ANKRD33B: variants seen among roughly 807,000 people sequenced by gnomAD.
ANKRD33B encodes ankyrin repeat domain 33B, also known as ankyrin repeat domain-containing protein 33B.
Under a neutral mutation model 21.5 loss-of-function variants are expected in ANKRD33B, and 6 were observed. The ratio of observed to expected loss-of-function variants is 0.28; its 90% CI spans 0.15 to 0.55. The LOEUF is 0.55. Ranked by LOEUF, ANKRD33B falls within the 20% of genes least tolerant of loss-of-function variation. The pLI is 0.94. For synonymous variants in ANKRD33B, 347 were observed against 342.4 expected (o/e 1.01, Z -0.15); for missense variants, 698 against 747.2 (o/e 0.93, Z 0.77).
At chr5:10,607,059 C>T (rs1736061152) in intron 1 of ANKRD33B, among the ~76,000 whole-genome samples, 1 of 151,970 alleles carries the variant, frequency 6.6e-6, no homozygotes, top group African/African-American at 2.4e-5. Flanking sequence ...TGTGCCCAAT[C>T]AAGTATCAAA....
intron 1 of ANKRD33B, among the ~76,000 whole-genome samples, chr5:10,606,530 T>C (rs1242974871): frequency 1.3e-5 from 2 of 151,994 alleles, no homozygotes; most frequent in African/African-American, 4.8e-5. Flanking sequence ...GGTCAAGAGA[T>C]CGAGACCATC....
chr5:10,577,514 C>T (rs575911254), intron 1 of ANKRD33B, among the ~76,000 whole-genome samples: 5 of 152,184 alleles, frequency 3.3e-5, no homozygotes, highest in Non-Finnish European at 5.9e-5. Context: ...TGTCCGGTGT[C>T]GGGCTATGCA....
At chr5:10,613,780 GT>G (rs1736224199) in intron 1 of ANKRD33B, among the ~76,000 whole-genome samples, 1 of 151,774 alleles carries the variant, frequency 6.6e-6, no homozygotes, top group Non-Finnish European at 1.5e-5. Context: ...TGCGCCTGTA[GT>G]CCCAGCTACT....
chr5:10,628,998 G>GT (rs1344821273), intron 2 of ANKRD33B, among the ~76,000 whole-genome samples: 3 of 152,268 alleles, frequency 2.0e-5, no homozygotes, highest in African/African-American at 7.2e-5. Context: ...AATGCTGGCT[G>GT]TTTGACCATA....
intron 1 of ANKRD33B, among the ~76,000 whole-genome samples, chr5:10,571,626 T>A (rs1735196413): frequency 6.6e-6 from 1 of 152,174 alleles, no homozygotes; most frequent in Admixed American, 6.5e-5. Context: ...GAAATATCCA[T>A]CACCTCAAGG....
chr5:10,606,739 T>A (rs1174702586), intron 1 of ANKRD33B, among the ~76,000 whole-genome samples: 1 of 151,052 alleles, frequency 6.6e-6, no homozygotes, highest in Non-Finnish European at 1.5e-5. Flanking sequence ...TCTTTTTTTT[T>A]TTTTTTTGAG....
rs1454218382 is a variant in ANKRD33B, at chr5:10,640,011, GA to G, written c.637+1844del. ...CGCGGCGATGTTAGCGGGTGACGTGGAGTTGCGCGGCGATGTTAGCGGGTGA... is the reference window on the plus strand; with the variant it reads ...CGCGGCGATGTTAGCGGGTGACGTGGGTTGCGCGGCGATGTTAGCGGGTGA... On this transcript the variant is annotated intron_variant, in intron 3 of 3. Coordinates refer to ENST00000296657, the MANE Select transcript of ANKRD33B (RefSeq NM_001164440.2). Among the ~76,000 whole-genome samples, 109 of 90,654 alleles carry G rather than the reference GA, an allele frequency of 1.2e-3. 3 individuals carry two copies. Among genetic ancestry groups the G allele is most frequent in the Middle Eastern group, 8.8e-3 (1 of 114 alleles). The allele number at this position is 90,654 out of a possible 152,430, so 59.5% of individuals were successfully genotyped here.
Position 10,650,166 on chromosome 5 carries a change from G to T in ANKRD33B, c.*53G>T. 1 of 1,409,444 alleles carries T rather than the reference G, an allele frequency of 7.1e-7. No individual in the cohort carries two copies. Among genetic ancestry groups the T allele is most frequent in the African/African-American group, 1.5e-5 (1 of 66,166 alleles). The allele number at this position is 1,409,444 out of a possible 1,614,324, so 87.3% of individuals were successfully genotyped here. ...GGGCTGGGGCCGGGGCGGGGCCGCA[G>T]GGCTGGGCGCGGAGAAGGAGGCGGC... On this transcript the variant is annotated 3_prime_UTR_variant, in exon 4 of 4. Coordinates refer to ENST00000296657, the MANE Select transcript of ANKRD33B (RefSeq NM_001164440.2).
chr5:10,579,504 TGAATA>T (rs988029463), intron 1 of ANKRD33B, among the ~76,000 whole-genome samples: 5 of 152,318 alleles, frequency 3.3e-5, no homozygotes, highest in African/African-American at 1.2e-4. Flanking sequence ...TTAAAATTTC[TGAATA>T]GAACTACTTG....
In ANKRD33B at chr5:10,588,165, CA is replaced by C. The variant is rs936250055; in HGVS notation, c.366+23335del. The stretch of plus-strand genomic sequence containing the variant: ...CAGATAACATAAAAAGGTAAAATGC[CA>C]AAGATGATAAAAAAGTGACTGCGAA... On this transcript the variant is annotated intron_variant, in intron 1 of 3. Coordinates refer to ENST00000296657, the MANE Select transcript of ANKRD33B (RefSeq NM_001164440.2). Among the ~76,000 whole-genome samples, 5 of 152,134 alleles carry C rather than the reference CA, an allele frequency of 3.3e-5. 1 individual carries two copies. Among genetic ancestry groups the C allele is most frequent in the Admixed American group, 3.3e-4 (5 of 15,282 alleles).
chr5:10,646,203 G>C (rs921478190), intron 3 of ANKRD33B, among the ~76,000 whole-genome samples: 2 of 152,158 alleles, frequency 1.3e-5, no homozygotes, highest in Non-Finnish European at 2.9e-5. Context: ...CTCCACTTTT[G>C]TCCACATGAT....
intron 2 of ANKRD33B, among the ~76,000 whole-genome samples, chr5:10,634,703 G>A (rs148889733): frequency 7.9e-5 from 12 of 151,420 alleles, no homozygotes; most frequent in African/African-American, 2.2e-4. Flanking sequence ...TGATCTGCCT[G>A]CCTTGGCCTC....
chr5:10,609,939 A>G (rs1440182864), intron 1 of ANKRD33B, among the ~76,000 whole-genome samples: 1 of 152,126 alleles, frequency 6.6e-6, no homozygotes, highest in Non-Finnish European at 1.5e-5. Flanking sequence ...AAAAGAATTC[A>G]TACTGATCAA....
chr5:10,565,534 A>G (rs866443319), intron 1 of ANKRD33B, among the ~76,000 whole-genome samples: 23 of 152,232 alleles, frequency 1.5e-4, no homozygotes, highest in African/African-American at 5.5e-4. Flanking sequence ...AGAGCCCCAG[A>G]GCCGCGGGCA....
At chr5:10,586,705 G>A (rs1735571491) in intron 1 of ANKRD33B, among the ~76,000 whole-genome samples, 1 of 152,112 alleles carries the variant, frequency 6.6e-6, no homozygotes, top group South Asian at 2.1e-4. Flanking sequence ...AGATTCAATT[G>A]GTGAGGGATC....
chr5:10,595,173 C>T (rs1041006911), intron 1 of ANKRD33B, among the ~76,000 whole-genome samples: 1 of 152,102 alleles, frequency 6.6e-6, no homozygotes, highest in South Asian at 2.1e-4. Flanking sequence ...GGGTTACATC[C>T]TGAGCAGGAG....
rs1737290657 is a variant in ANKRD33B at position 10,649,781 on chromosome 5, G to A, written c.1153G>A (p.Ala385Thr). ...GGACTCCCGGGAGGGCTCCCCGAGAGCCGGCCTCCCTCCCGCCCTGGGGTC... is the reference window on the plus strand; with the variant it reads ...GGACTCCCGGGAGGGCTCCCCGAGAACCGGCCTCCCTCCCGCCCTGGGGTC... ...DADSREGSPR[A>T]GLPPALGSRG... Residue 385 changes from alanine to threonine, a missense_variant, in exon 4 of 4, where the codon GCC becomes ACC. By Grantham distance (58) the Ala-to-Thr change is moderately conservative. Transcript: ENST00000296657. The A allele has an allele frequency of 7.1e-7, 1 of 1,400,228 alleles. No homozygotes were observed. Among genetic ancestry groups the A allele is most frequent in the Non-Finnish European group, 9.2e-7 (1 of 1,083,530 alleles). 86.7% of individuals were successfully genotyped at this position (1,400,228 alleles called of 1,614,324 possible).
chr5:10,610,783 G>A (rs373344484), intron 1 of ANKRD33B, among the ~76,000 whole-genome samples: 5 of 152,318 alleles, frequency 3.3e-5, no homozygotes, highest in African/African-American at 7.2e-5. Context: ...AGTGGCTCAC[G>A]TCTGTAATCC....
chr5:10,619,841 G>C lies in ANKRD33B; in HGVS notation c.496+1379G>C, dbSNP rs6882964. ...GAGTAATTCTGCAGCTCATGGGACA[G>C]AGAAACACACGAAGCCCAGCACCAT... On this transcript the variant is annotated intron_variant, in intron 2 of 3. Coordinates refer to ENST00000296657, the MANE Select transcript of ANKRD33B (RefSeq NM_001164440.2). This position sits in a 1 kb window ranked among gnomAD's most constrained non-coding sequence, Gnocchi z 4.5. Among the ~76,000 whole-genome samples the C allele has an allele frequency of 0.27, 41,442 of 152,102 alleles. 6,341 individuals carry two copies. The highest frequency in any genetic ancestry group is 0.63 in the East Asian group (3,243 of 5,156).
Sources: allele counts gnomAD v4.1 joint callset (sites outside exome capture counted in the v4.1 genomes callset), GRCh38; gene constraint gnomAD v4.1.1; non-coding constraint Gnocchi (gnomAD v3.1); transcripts MANE v1.5; gene names NCBI Gene and HGNC (gene_info 2026-07-23, HGNC 2026-07-21).